MYOF: variants seen among roughly 807,000 people sequenced by gnomAD.
MYOF encodes fer-1-like 3, myoferlin.
A neutral mutation model predicts 284.2 loss-of-function variants in MYOF; 244 were observed. The observed-to-expected ratio is 0.86, with a 90% CI of 0.77 to 0.95. MYOF has a LOEUF of 0.95. Ranked by LOEUF, MYOF falls within the 40% of genes least tolerant of loss-of-function variation. MYOF has a pLI of 0.00. For missense variants in MYOF, 2,496 were observed against 2,560.6 expected (o/e 0.97, Z 0.54); for synonymous variants, 904 against 919.7 (o/e 0.98, Z 0.31).
At chr10:93,456,134 A>AATTAAAATACTTTTGAATT (rs1473858989) in intron 2 of MYOF, among the ~76,000 whole-genome samples, 8 of 152,216 alleles carry the variant, frequency 5.3e-5, no homozygotes, top group Admixed American at 1.3e-4. Flanking sequence ...TATGCTTTTG[A>AATTAAAATACTTTTGAATT]ATTAAAATAC....
At chr10:93,383,945 T>A (rs1774720) in intron 19 of MYOF, among the ~76,000 whole-genome samples, 110,715 of 151,546 alleles carry the variant, frequency 0.73, 40,711 homozygotes, top group East Asian at 0.98. Context: ...ACCCCATGGA[T>A]GCTCTCACGC....
At chr10:93,340,034 C>T (rs527958613) in intron 39 of MYOF, 119 bp downstream of exon 39, 63 of 1,062,946 alleles carry the variant, frequency 5.9e-5, no homozygotes, top group African/African-American at 5.5e-4. Flanking sequence ...GAGCCAAGAT[C>T]GCGCCACTGC....
At chr10:93,404,302 T>G in intron 7 of MYOF, 83 bp from the exon 8 acceptor site, 115 of 1,391,974 alleles carry the variant, frequency 8.3e-5, no homozygotes, top group Middle Eastern at 2.2e-4. Flanking sequence ...TTGGGGGCCC[T>G]CCTAAAAAAT....
intron 5 of MYOF, among the ~76,000 whole-genome samples, chr10:93,412,972 C>G (rs1297241808): frequency 6.6e-6 from 1 of 152,048 alleles, no homozygotes; most frequent in Admixed American, 6.5e-5. Context: ...TTCCTCCAAG[C>G]AGCGAAGACG....
intron 1 of MYOF, among the ~76,000 whole-genome samples, chr10:93,460,434 A>G (rs978367617): frequency 6.6e-6 from 1 of 152,238 alleles, no homozygotes; most frequent in African/African-American, 2.4e-5. Context: ...AGTAACAGGA[A>G]ACAGAAGAGT....
chr10:93,364,163 C>T (rs1311703467), intron 26 of MYOF, 88 bp from the exon 27 acceptor site: 1 of 1,067,294 alleles, frequency 9.4e-7, no homozygotes, highest in African/African-American at 1.6e-5. Context: ...GCATCTACAC[C>T]CTGGGAGTGG....
At chr10:93,367,308 G>A (rs753435340) in intron 25 of MYOF, among the ~76,000 whole-genome samples, 5 of 152,178 alleles carry the variant, frequency 3.3e-5, no homozygotes, top group Non-Finnish European at 7.3e-5. Context: ...CCAGTGTGGT[G>A]GGTGTCCATG....
In MYOF at chr10:93,409,686, C is replaced by G. The variant is rs1227043511; in HGVS notation, c.487G>C (p.Gly163Arg). The G allele has an allele frequency of 1.2e-6, 2 of 1,614,222 alleles. No individual in the cohort carries two copies. Among genetic ancestry groups the G allele is most frequent in the Non-Finnish European group, 1.7e-6 (2 of 1,180,032 alleles). The stretch of plus-strand genomic sequence containing the variant: ...CCAACTGGCCCCTTGGGCCCAGGGC[C>G]CCTGACTGCATTGTCCAACCTGTCT... ...DEDRLDNAVR[G>R]PGPKGPVGTV... is the part of the protein sequence containing the mutation. The change falls in exon 6 of 54, where the codon GGC becomes CGC. Residue 163 changes from glycine to arginine, a missense_variant. By Grantham distance (125) the Gly-to-Arg change is moderately radical. Transcript: ENST00000359263.
intron 4 of MYOF, 25 bp downstream of exon 4, chr10:93,431,383 A>G (rs1848860434): frequency 3.1e-6 from 5 of 1,598,766 alleles, no homozygotes; most frequent in Admixed American, 1.7e-5. Context: ...CTTCAAAGCC[A>G]TTCAATAAGA....
chr10:93,340,153 C>G lies in MYOF; in HGVS notation c.4338G>C (p.Lys1446Asn), dbSNP rs756350204. The G allele has an allele frequency of 6.2e-7, 1 of 1,613,686 alleles. No individual in the cohort carries two copies. Among genetic ancestry groups the G allele is most frequent in the African/African-American group, 1.3e-5 (1 of 74,874 alleles). ...KPLLASKLTE[K>N]EEEIVDWWSK... ...GTAGCAAAATGTATACCATAGTTAC[C>G]TTTTCTGTCAGCTGCTCGTGCACAT... Residue 1446 changes from lysine (K) to asparagine (N), a missense_variant and splice_region_variant, in exon 39 of 54, where the codon AAG becomes AAC. Transcript: ENST00000359263.
Position 93,333,884 on chromosome 10 carries a change from A to G in MYOF, c.4593T>C (p.Asp1531=), listed in dbSNP as rs755731794. Residue 1531 remains aspartate, a synonymous_variant, in exon 42 of 54, where the codon GAT becomes GAC. Transcript: ENST00000359263. ...KGSFRIYPLP[D]DPSVPAPPRQ... ...TGGGAGGGGCTGGCACGCTGGGGTC[A>G]TCCGGCAGAGGGTAGATCCGAAAGG... is the stretch of plus-strand genomic sequence containing the variant. 5.0e-6 allele frequency: 8 copies of G among 1,613,968 alleles called. No individual in the cohort carries two copies. In the Admixed American group the frequency reaches 1.0e-4, roughly 20 times the overall value.
At chr10:93,369,567 T>G in intron 25 of MYOF, 78 bp downstream of exon 25, 1 of 1,583,086 alleles carries the variant, frequency 6.3e-7, no homozygotes, top group Non-Finnish European at 8.6e-7. Context: ...GGTATGTAAA[T>G]GTTTTCCATA....
intron 16 of MYOF, 150 bp from the exon 17 acceptor site, chr10:93,393,105 T>C (rs1846780834): frequency 1.5e-6 from 1 of 668,270 alleles, no homozygotes; most frequent in Non-Finnish European, 2.7e-6. Flanking sequence ...TATGACCCTT[T>C]TGTAATGTAT....
chr10:93,448,204 A>C (rs2056489634), intron 3 of MYOF, among the ~76,000 whole-genome samples: 2 of 140,910 alleles, frequency 1.4e-5, no homozygotes, highest in African/African-American at 5.3e-5. Context: ...CTTCCCCCCT[A>C]CTCCCTAACC....
chr10:93,447,392 A>G (rs571214743), intron 3 of MYOF, among the ~76,000 whole-genome samples: 17 of 152,262 alleles, frequency 1.1e-4, no homozygotes, highest in African/African-American at 3.9e-4. Flanking sequence ...GGCAAGCTGC[A>G]CCAGCAGCTC....
In MYOF at chr10:93,457,390, G is replaced by T. The variant is rs1242550179; in HGVS notation, c.89-453C>A. On this transcript the variant is annotated intron_variant, in intron 1 of 53. Coordinates refer to ENST00000359263, the MANE Select transcript of MYOF (RefSeq NM_013451.4). ...TGAAGCTCATGCTGCATCTGAGTGT[G>T]CTAAGATGCCAACACAGCTTCAATA... 2.0e-5 allele frequency among the ~76,000 whole-genome samples: 3 copies of T among 152,226 alleles called. No homozygotes were observed. In the East Asian group the frequency reaches 5.8e-4, roughly 29 times the overall value.
chr10:93,351,827 A>G lies in MYOF; in HGVS notation c.3501T>C (p.Cys1167=). ...CAGTGGTTTTGCTCCGATGGAGGAAACAGATATGAGCATATGGATCTAAAA... is the reference window on the plus strand; with the variant it reads ...CAGTGGTTTTGCTCCGATGGAGGAAGCAGATATGAGCATATGGATCTAAAA... The part of the protein sequence containing the change: ...DSFSDPYAHI[C]FLHRSKTTEI... Residue 1167 remains cysteine, a synonymous_variant, in exon 33 of 54, where the codon TGT becomes TGC. Transcript: ENST00000359263. 6.3e-7 allele frequency: 1 copy of G among 1,585,832 alleles called. No individual in the cohort carries two copies. Among genetic ancestry groups the G allele is most frequent in the African/African-American group, 1.4e-5 (1 of 72,856 alleles).
chr10:93,375,964 G>A (rs1845817542), intron 22 of MYOF, among the ~76,000 whole-genome samples: 1 of 152,168 alleles, frequency 6.6e-6, no homozygotes. Context: ...GGTTCACGAA[G>A]CTCTGATTCA....
At chr10:93,409,220 G>A (rs1218873166) in intron 6 of MYOF, among the ~76,000 whole-genome samples, 1 of 152,238 alleles carries the variant, frequency 6.6e-6, no homozygotes, top group Non-Finnish European at 1.5e-5. Flanking sequence ...TGGTCTTGCT[G>A]AGCCTAGTGA....
Sources: allele counts gnomAD v4.1 joint callset (sites outside exome capture counted in the v4.1 genomes callset), GRCh38; gene constraint gnomAD v4.1.1; transcripts MANE v1.5; gene names NCBI Gene and HGNC (gene_info 2026-07-23, HGNC 2026-07-21).